KCNAB3: variants seen among roughly 807,000 people sequenced by gnomAD.
KCNAB3 encodes voltage-gated potassium channel subunit beta-3.
In KCNAB3, 62 loss-of-function variants were observed where a neutral mutation model predicts 67.7. That is an observed-to-expected ratio of 0.92 (90% CI 0.75 to 1.13). The LOEUF is 1.13. Among genes scored for constraint, KCNAB3 ranks in the 50% most tolerant of loss-of-function variants. The pLI is 0.00. For missense variants in KCNAB3, 514 were observed against 522.9 expected (o/e 0.98, Z 0.17); for synonymous variants, 212 against 205.4 (o/e 1.03, Z -0.27).
chr17:7,925,071 G>A, intron 8 of KCNAB3, 26 bp downstream of exon 8: 1 of 1,606,290 alleles, frequency 6.2e-7, no homozygotes, highest in Non-Finnish European at 8.5e-7. Flanking sequence ...TTGAAGGACT[G>A]TAAGGTTTGG....
chr17:7,924,525 C>CT, intron 8 of KCNAB3, 25 bp from the exon 9 acceptor site: 1 of 1,596,920 alleles, frequency 6.3e-7, no homozygotes, highest in Non-Finnish European at 8.5e-7. Context: ...GAGGGAAAGC[C>CT]TTACTGTCAG....
chr17:7,926,536 A>G (rs1159354157), intron 4 of KCNAB3, among the ~76,000 whole-genome samples: 1 of 152,212 alleles, frequency 6.6e-6, no homozygotes, highest in Admixed American at 6.5e-5. Flanking sequence ...GAGTGCCACA[A>G]TCTATGGTCC....
chr17:7,923,604 G>T, intron 12 of KCNAB3, 60 bp from the exon 13 acceptor site: 2 of 1,558,454 alleles, frequency 1.3e-6, no homozygotes, highest in Non-Finnish European at 1.7e-6. Context: ...ATAGATTTCA[G>T]AAGTGTCTCT....
Position 7,929,823 on chromosome 17 carries a change from GGGCTCC to G in KCNAB3, c.-394_-389del. ...AGCGCGAACCGCTGCGGGACCCGCT[GGGCTCC>G]CAGCCGCGTCGGCAGCGGGCCCAGC... On this transcript the variant is annotated 5_prime_UTR_variant, in exon 1 of 14. Transcript: ENST00000303790. The surrounding 1 kb of genome is among the most constrained non-coding windows in gnomAD (Gnocchi z 5.7). The G allele has an allele frequency of 4.0e-6, 4 of 1,012,430 alleles. No homozygotes were observed. The highest frequency in any genetic ancestry group is 4.7e-6 in the Non-Finnish European group (4 of 848,258). The allele number at this position is 1,012,430 out of a possible 1,614,324, so 62.7% of individuals were successfully genotyped here. A position where few individuals can be genotyped will look rare whatever the true frequency, so the allele number is the denominator to read the frequency against.
rs376073262 is a variant in KCNAB3, at chr17:7,925,453, C to T, written c.538+230G>A. 96 of 594,002 alleles carry T rather than the reference C, an allele frequency of 1.6e-4. No homozygotes were observed. The East Asian group carries it at 1.8e-3, about 11-fold the overall frequency. 36.8% of individuals were successfully genotyped at this position (594,002 alleles called of 1,614,324 possible). A position where few individuals can be genotyped will look rare whatever the true frequency, so the allele number is the denominator to read the frequency against. On this transcript the variant is annotated intron_variant, in intron 7 of 13. Transcript: ENST00000303790. ...CTGAGGTAGGAGAATCCCTTGAACC[C>T]GGGAGGAGGAGGTTGCAGTGAGCCG...
Position 7,929,311 on chromosome 17 carries a change from T to C in KCNAB3, c.125A>G (p.Asn42Ser), listed in dbSNP as rs773205086. ...GCCAGACCCTCCACCCCCCGGAGGATTCCCGTGCCCCCCGCCGGCCGGCCC... is the reference window on the plus strand; with the variant it reads ...GCCAGACCCTCCACCCCCCGGAGGACTCCCGTGCCCCCCGCCGGCCGGCCC... ...NGGPAGGGHG[N>S]PPGGGGSGPK... Residue 42 changes from asparagine to serine, a missense_variant, in exon 1 of 14, where the codon AAT becomes AGT. Asn to Ser is a conservative substitution (Grantham distance 46, BLOSUM62 1). Coordinates refer to ENST00000303790, the MANE Select transcript of KCNAB3 (RefSeq NM_004732.4). The surrounding 1 kb of genome is among the most constrained non-coding windows in gnomAD (Gnocchi z 5.7). 1 of 1,561,900 alleles carries C rather than the reference T, an allele frequency of 6.4e-7. No individual in the cohort carries two copies. Among genetic ancestry groups the C allele is most frequent in the South Asian group, 1.2e-5 (1 of 85,510 alleles).
Position 7,929,486 on chromosome 17 carries a change from G to T in KCNAB3, c.-51C>A, listed in dbSNP as rs1192836485. On this transcript the variant is annotated 5_prime_UTR_variant, in exon 1 of 14. Transcript: ENST00000303790. The surrounding 1 kb of genome is among the most constrained non-coding windows in gnomAD (Gnocchi z 5.7). ...GGCTCCGAGGGGACGGGAGGGGGGAGCAGGGAAGCCCGAGGGCTGACGACC... is the reference window on the plus strand; with the variant it reads ...GGCTCCGAGGGGACGGGAGGGGGGATCAGGGAAGCCCGAGGGCTGACGACC... The T allele has an allele frequency of 1.3e-6, 2 of 1,536,076 alleles. No individual in the cohort carries two copies. The highest frequency in any genetic ancestry group is 1.8e-6 in the Non-Finnish European group (2 of 1,139,024).
chr17:7,926,224 AG>A, intron 4 of KCNAB3, 121 bp from the exon 5 acceptor site: 2 of 1,100,694 alleles, frequency 1.8e-6, no homozygotes, highest in Non-Finnish European at 2.7e-6. Flanking sequence ...TTCAGCTCAC[AG>A]CCCCATCCTG....
chr17:7,923,393 T>C (rs1410711189), intron 13 of KCNAB3, 63 bp downstream of exon 13: 11 of 1,503,280 alleles, frequency 7.3e-6, no homozygotes, highest in Non-Finnish European at 1.0e-5. Context: ...CTGGGTTGGA[T>C]AGCGTGGCTT....
chr17:7,925,521 C>T, intron 7 of KCNAB3, 162 bp downstream of exon 7: 1 of 701,280 alleles, frequency 1.4e-6, no homozygotes, highest in South Asian at 1.8e-5. Flanking sequence ...AAGAGTGAAA[C>T]TCCGTCTCAA....
chr17:7,923,322 G>C lies in KCNAB3; in HGVS notation c.1137+134C>G, dbSNP rs1567890240. 4 of 1,243,974 alleles carry C rather than the reference G, an allele frequency of 3.2e-6. No individual in the cohort carries two copies. In the East Asian group the frequency reaches 9.7e-5, roughly 30 times the overall value. The allele number at this position is 1,243,974 out of a possible 1,614,324, so 77.1% of individuals were successfully genotyped here. ...AGCTGTGCCGGTGCCTCGCTTTCCG[G>C]CCCTGGGACCTCTCACCTGCAAAGT... On this transcript the variant is annotated intron_variant, in intron 13 of 13. Coordinates refer to ENST00000303790, the MANE Select transcript of KCNAB3 (RefSeq NM_004732.4).
intron 7 of KCNAB3, 107 bp downstream of exon 7, chr17:7,925,576 A>T: frequency 1.0e-6 from 1 of 1,004,988 alleles, no homozygotes; most frequent in Non-Finnish European, 1.6e-6. Flanking sequence ...CCCCCTTGCC[A>T]TGGCCACCTA....
Position 7,922,428 on chromosome 17 carries a change from C to A in KCNAB3, c.*674G>T, listed in dbSNP as rs1972065243. The A allele has an allele frequency of 6.6e-6, 1 of 152,202 alleles. No individual in the cohort carries two copies. The highest frequency in any genetic ancestry group is 1.5e-5 in the Non-Finnish European group (1 of 68,052). 9.4% of individuals were successfully genotyped at this position (152,202 alleles called of 1,614,324 possible). ...CTGCCAAGAACAGCCCAACTGTTTT[C>A]CAAGGACCACCCCGGCCACTTTCAC... On this transcript the variant is annotated 3_prime_UTR_variant, in exon 14 of 14. Coordinates refer to ENST00000303790, the MANE Select transcript of KCNAB3 (RefSeq NM_004732.4).
At chr17:7,928,270 C>G (rs1301624301) in intron 1 of KCNAB3, 2 of 210,910 alleles carry the variant, frequency 9.5e-6, no homozygotes, top group Admixed American at 5.2e-5. Context: ...TAAACCAAGT[C>G]AAGTTCAGGC....
At position 7,923,047 on chromosome 17, in the gene KCNAB3, G is replaced by T. The variant is rs577887417; in HGVS notation, c.*55C>A. On this transcript the variant is annotated 3_prime_UTR_variant, in exon 14 of 14. Transcript: ENST00000303790. ...GGAGCGGGAGAGGCGGCTGCGAGGAGCGGGGCTCGGGCGGGTGCAGCGACA... is the reference window on the plus strand; with the variant it reads ...GGAGCGGGAGAGGCGGCTGCGAGGATCGGGGCTCGGGCGGGTGCAGCGACA... The T allele has an allele frequency of 1.2e-5, 19 of 1,540,838 alleles. No individual in the cohort carries two copies. The highest frequency in any genetic ancestry group is 1.8e-6 in the Non-Finnish European group (2 of 1,114,262).
rs752939665 is a variant in KCNAB3, at chr17:7,924,266, C to T, written c.712-1G>A. On this transcript the variant is annotated splice_acceptor_variant, in intron 9 of 13. Transcript: ENST00000303790. LOFTEE classifies it high-confidence loss of function. ...ACTGTCTGGCCATGGAGTAGGCCTCCTGGGTTGGGGTTGGGGAAAAGAAAG... is the reference window on the plus strand; with the variant it reads ...ACTGTCTGGCCATGGAGTAGGCCTCTTGGGTTGGGGTTGGGGAAAAGAAAG... 4 of 1,613,988 alleles carry T rather than the reference C, an allele frequency of 2.5e-6. No homozygotes were observed. Among genetic ancestry groups the T allele is most frequent in the Non-Finnish European group, 3.4e-6 (4 of 1,180,006 alleles).
Position 7,929,843 on chromosome 17 carries a change from A to T in KCNAB3, c.-408T>A. ...CCGCTGGGCTCCCAGCCGCGTCGGC[A>T]GCGGGCCCAGCTCATCAGCATGCAG... On this transcript the variant is annotated 5_prime_UTR_variant, in exon 1 of 14. Transcript: ENST00000303790. This position sits in a 1 kb window ranked among gnomAD's most constrained non-coding sequence, Gnocchi z 5.7. 1 of 1,076,448 alleles carries T rather than the reference A, an allele frequency of 9.3e-7. No individual in the cohort carries two copies. 66.7% of individuals were successfully genotyped at this position (1,076,448 alleles called of 1,614,324 possible). A position where few individuals can be genotyped will look rare whatever the true frequency, so the allele number is the denominator to read the frequency against.
chr17:7,923,338 C>T, intron 13 of KCNAB3, 118 bp downstream of exon 13: 4 of 1,270,634 alleles, frequency 3.1e-6, no homozygotes, highest in Non-Finnish European at 4.5e-6. Context: ...GGACCTCTCA[C>T]CTGCAAAGTG....
chr17:7,924,169 G>A lies in KCNAB3; in HGVS notation c.808C>T (p.Leu270=). Residue 270 remains leucine, a synonymous_variant, in exon 10 of 14, where the codon CTG becomes TTG. Coordinates refer to ENST00000303790, the MANE Select transcript of KCNAB3 (RefSeq NM_004732.4). The part of the protein sequence containing the change: ...LFQREKVEMQ[L]PELYHKIGVG... Reference sequence around the variant, plus strand: ...CCAATCTTGTGGTAGAGCTCTGGCAGCTGCATCTCCACCTTCTCCCTCTGA... The same window carrying A: ...CCAATCTTGTGGTAGAGCTCTGGCAACTGCATCTCCACCTTCTCCCTCTGA... 13 of 1,614,202 alleles carry A rather than the reference G, an allele frequency of 8.1e-6. No individual in the cohort carries two copies. The highest frequency in any genetic ancestry group is 8.5e-6 in the Non-Finnish European group (10 of 1,180,040).
Sources: allele counts gnomAD v4.1 joint callset (sites outside exome capture counted in the v4.1 genomes callset), GRCh38; gene constraint gnomAD v4.1.1; non-coding constraint Gnocchi (gnomAD v3.1); transcripts MANE v1.5; gene names NCBI Gene and HGNC (gene_info 2026-07-23, HGNC 2026-07-21).